Variants in CABCOCO1 observed in about 807,000 individuals in gnomAD.
The protein encoded by CABCOCO1 is ciliary-associated calcium-binding coiled-coil protein 1.
A neutral mutation model predicts 35.7 loss-of-function variants in CABCOCO1; 28 were observed. The ratio of observed to expected loss-of-function variants is 0.78; its 90% confidence interval spans 0.58 to 1.07. The LOEUF (loss-of-function observed/expected upper bound fraction) is 1.07. Ranked by LOEUF, CABCOCO1 falls within the 50% of genes least tolerant of loss-of-function variation. The probability of loss-of-function intolerance (pLI) is 0.00; values close to 1 mark genes in which losing one functional copy is unlikely to be tolerated. For synonymous variants in CABCOCO1, 95 were observed against 100.1 expected (o/e 0.95, Z 0.30); for missense variants, 326 against 309.2 (o/e 1.05, Z -0.41).
In CABCOCO1 at chr10:61,681,255, A is replaced by G. The variant is rs373852330; in HGVS notation, c.277A>G (p.Ile93Val). The G allele has an allele frequency of 1.4e-4, 219 of 1,571,044 alleles. No individual in the cohort carries two copies. The highest frequency in any genetic ancestry group is 1.8e-4 in the East Asian group (8 of 43,552). ...GTGGGCTAGAGGAATGGATTTCTCTATTATTCAGTATTCAAAATTTATGAC... is the reference window on the plus strand; with the variant it reads ...GTGGGCTAGAGGAATGGATTTCTCTGTTATTCAGTATTCAAAATTTATGAC... ...FLWARGMDFS[I>V]IQYSKFMTLL... is the part of the protein sequence containing the mutation. The change falls in exon 3 of 8, where the codon ATT becomes GTT. Residue 93 changes from isoleucine (I) to valine (V), a missense_variant. Transcript: ENST00000648843.
At chr10:61,696,014 G>A (rs574706950) in intron 5 of CABCOCO1, among the ~76,000 whole-genome samples, 8 of 152,114 alleles carry the variant, frequency 5.3e-5, no homozygotes, top group African/African-American at 1.4e-4. Context: ...CAAGTGAAAC[G>A]GGACAGATTA....
chr10:61,749,166 G>GT (rs1198009887), intron 5 of CABCOCO1, among the ~76,000 whole-genome samples: 2 of 152,114 alleles, frequency 1.3e-5, no homozygotes, highest in African/African-American at 2.4e-5. Flanking sequence ...CCTCCAGAAA[G>GT]TTTTTTGCAA....
At chr10:61,763,609 T>A (rs1234608952) in intron 7 of CABCOCO1, among the ~76,000 whole-genome samples, 1 of 152,036 alleles carries the variant, frequency 6.6e-6, no homozygotes, top group African/African-American at 2.4e-5. Context: ...ACATTACATG[T>A]TGGCTGTTGG....
At chr10:61,743,972 C>T (rs972701549) in intron 5 of CABCOCO1, among the ~76,000 whole-genome samples, 2 of 152,112 alleles carry the variant, frequency 1.3e-5, no homozygotes, top group African/African-American at 4.8e-5. Flanking sequence ...CTACCAAGTG[C>T]CCCCACCACC....
intron 5 of CABCOCO1, among the ~76,000 whole-genome samples, chr10:61,712,986 C>T (rs1053932869): frequency 2.0e-5 from 3 of 152,110 alleles, no homozygotes; most frequent in Admixed American, 6.6e-5. Flanking sequence ...CTTGGCAATG[C>T]GGGCTCTTTT....
intron 1 of CABCOCO1, among the ~76,000 whole-genome samples, chr10:61,668,550 A>G (rs1839260584): frequency 6.6e-6 from 1 of 151,872 alleles, no homozygotes. Context: ...GAGAACTTAC[A>G]TTTTCCCAGG....
intron 5 of CABCOCO1, among the ~76,000 whole-genome samples, chr10:61,736,529 T>C (rs530417679): frequency 6.6e-6 from 1 of 152,264 alleles, no homozygotes; most frequent in South Asian, 2.1e-4. Flanking sequence ...TACCATGCTG[T>C]TTTGGTTGCT....
At chr10:61,680,916 A>G (rs1438350641) in intron 2 of CABCOCO1, among the ~76,000 whole-genome samples, 1 of 151,282 alleles carries the variant, frequency 6.6e-6, no homozygotes, top group Non-Finnish European at 1.5e-5. Flanking sequence ...AACAGAAAAT[A>G]AAGAGGAAGA....
chr10:61,664,453 GAAA>G (rs139899765), intron 1 of CABCOCO1, among the ~76,000 whole-genome samples: 3 of 151,616 alleles, frequency 2.0e-5, no homozygotes, highest in Non-Finnish European at 4.4e-5. Flanking sequence ...TATGCTTCAG[GAAA>G]AAAAATCATT....
intron 5 of CABCOCO1, among the ~76,000 whole-genome samples, chr10:61,737,134 T>C (rs1841435520): frequency 1.3e-5 from 2 of 152,108 alleles, no homozygotes; most frequent in Admixed American, 6.6e-5. Flanking sequence ...TGGATGCCCT[T>C]AATTTCTTTC....
At chr10:61,667,304 C>G (rs1839217755) in intron 1 of CABCOCO1, among the ~76,000 whole-genome samples, 1 of 150,374 alleles carries the variant, frequency 6.7e-6, no homozygotes, top group Non-Finnish European at 1.5e-5. Flanking sequence ...ATTCTTTATG[C>G]TTTTCCACGC....
At chr10:61,730,549 G>A (rs933287321) in intron 5 of CABCOCO1, among the ~76,000 whole-genome samples, 2 of 152,024 alleles carry the variant, frequency 1.3e-5, no homozygotes, top group Non-Finnish European at 2.9e-5. Context: ...ATTGATTTAG[G>A]AATGAATGAT....
intron 5 of CABCOCO1, among the ~76,000 whole-genome samples, chr10:61,722,899 A>T (rs1467056865): frequency 6.6e-6 from 1 of 152,212 alleles, no homozygotes; most frequent in Non-Finnish European, 1.5e-5. Flanking sequence ...ACTGAAAACA[A>T]AGAAGTCTTC....
intron 1 of CABCOCO1, among the ~76,000 whole-genome samples, chr10:61,664,302 C>T (rs991321355): frequency 3.3e-5 from 5 of 152,136 alleles, no homozygotes; most frequent in Non-Finnish European, 7.3e-5. Context: ...AAGCTTAAGA[C>T]TATGCACAAT....
At chr10:61,757,175 G>GT (rs1564557737) in intron 5 of CABCOCO1, among the ~76,000 whole-genome samples, 1 of 151,006 alleles carries the variant, frequency 6.6e-6, no homozygotes, top group Non-Finnish European at 1.5e-5. Context: ...TCATTTAAAC[G>GT]TATTTTCTGG....
chr10:61,743,208 T>C (rs34795768), intron 5 of CABCOCO1, among the ~76,000 whole-genome samples: 2,367 of 152,324 alleles, frequency 0.016, 40 homozygotes, highest in East Asian at 0.046. Flanking sequence ...TCCTAACTTT[T>C]GCTAAACTTG....
chr10:61,681,162 A>G lies in CABCOCO1; in HGVS notation c.184A>G (p.Asn62Asp). The change falls in exon 3 of 8, where the codon AAT (asparagine) becomes GAT (aspartate). Residue 62 changes from asparagine to aspartate, a missense_variant. Transcript: ENST00000648843. ...GVQEKLRIFL[N>D]FKNLETCLKD... Reference sequence around the variant, plus strand: ...TTACAGAAAACTGAGAATATTTTTGAATTTCAAAAACCTTGAAACTTGTTT... The same window carrying G: ...TTACAGAAAACTGAGAATATTTTTGGATTTCAAAAACCTTGAAACTTGTTT... 6.8e-7 allele frequency: 1 copy of G among 1,464,832 alleles called. No individual in the cohort carries two copies. The highest frequency in any genetic ancestry group is 9.1e-7 in the Non-Finnish European group (1 of 1,094,318). 90.7% of individuals were successfully genotyped at this position (1,464,832 alleles called of 1,614,324 possible).
At chr10:61,744,884 C>G (rs1293580344) in intron 5 of CABCOCO1, among the ~76,000 whole-genome samples, 1 of 152,162 alleles carries the variant, frequency 6.6e-6, no homozygotes, top group Non-Finnish European at 1.5e-5. Flanking sequence ...ACTTTGCAAG[C>G]AAGGTGAAAT....
chr10:61,718,732 C>A (rs2291105), intron 5 of CABCOCO1, among the ~76,000 whole-genome samples: 2 of 151,874 alleles, frequency 1.3e-5, no homozygotes, highest in Admixed American at 1.3e-4. Flanking sequence ...AAATATTTAC[C>A]AATTCATTAT....
Sources: gnomAD v4.1 joint callset for allele counts (sites outside exome capture counted in the v4.1 genomes callset) on GRCh38, gnomAD v4.1.1 for gene constraint, MANE v1.5 for transcripts, NCBI Gene and HGNC (gene_info 2026-07-23, HGNC 2026-07-21) for gene names.